The following GRM8 variants were observed in gnomAD, a reference collection of about 807,000 sequenced individuals.
The protein encoded by GRM8 is glutamate metabotropic receptor 8.
Under a neutral mutation model 87.2 loss-of-function variants are expected in GRM8, and 47 were observed. The observed-to-expected ratio is 0.54, with a 90% CI of 0.43 to 0.69. GRM8 has a LOEUF of 0.69. Among genes scored for constraint, GRM8 ranks in the 30% least tolerant of loss-of-function variants. The probability of loss-of-function intolerance (pLI) is 0.00; values close to 1 mark genes in which losing one functional copy is unlikely to be tolerated. For synonymous variants in GRM8, 396 were observed against 404.5 expected (o/e 0.98, Z 0.25); for missense variants, 1,019 against 1,139.2 (o/e 0.89, Z 1.52).
chr7:126,698,734 G>A (rs1408048858), intron 7 of GRM8, among the ~76,000 whole-genome samples: 1 of 152,166 alleles, frequency 6.6e-6, no homozygotes, highest in East Asian at 1.9e-4. Context: ...ATGACTCAGT[G>A]TGGGTTGGTT....
At chr7:126,810,913 G>C (rs997322628) in intron 6 of GRM8, among the ~76,000 whole-genome samples, 7 of 151,972 alleles carry the variant, frequency 4.6e-5, no homozygotes, top group Admixed American at 2.6e-4. Flanking sequence ...ACATCTGTAG[G>C]CTCCTCAACC....
chr7:126,696,202 A>G (rs1809358598), intron 7 of GRM8, among the ~76,000 whole-genome samples: 1 of 152,164 alleles, frequency 6.6e-6, no homozygotes, highest in South Asian at 2.1e-4. Flanking sequence ...GCAAAATTTA[A>G]GAAACAAAAA....
intron 3 of GRM8, among the ~76,000 whole-genome samples, chr7:126,912,110 C>A (rs1308113054): frequency 6.6e-6 from 1 of 151,898 alleles, no homozygotes; most frequent in East Asian, 1.9e-4. Flanking sequence ...GGCAGGAGAA[C>A]GGCGTGAACC....
At position 126,483,471 on chromosome 7, in the gene GRM8, CCCTT is replaced by C. The variant is rs566905063; in HGVS notation, c.2431-37103_2431-37100del. Among the ~76,000 whole-genome samples, 55 of 117,386 alleles carry C rather than the reference CCCTT, an allele frequency of 4.7e-4. No individual in the cohort carries two copies. The South Asian group carries it at 6.5e-3, about 14-fold the overall frequency. 77.0% of individuals were successfully genotyped at this position (117,386 alleles called of 152,430 possible). The stretch of plus-strand genomic sequence containing the variant: ...TCTCTCCCTCCCTCCCTCCCTCCCT[CCCTT>C]CCTTCCTTCCTTCCTTCATCATGAT... On this transcript the variant is annotated intron_variant, in intron 9 of 10. Coordinates refer to ENST00000339582, the MANE Select transcript of GRM8 (RefSeq NM_000845.3).
intron 9 of GRM8, among the ~76,000 whole-genome samples, chr7:126,457,092 T>C (rs1446321840): frequency 3.3e-5 from 5 of 151,578 alleles, no homozygotes; most frequent in South Asian, 2.1e-4. Flanking sequence ...TGTGTGTGTA[T>C]TGAAGTCAAA....
intron 3 of GRM8, among the ~76,000 whole-genome samples, chr7:127,052,210 T>C (rs1419218098): frequency 6.6e-6 from 1 of 152,208 alleles, no homozygotes; most frequent in African/African-American, 2.4e-5. Flanking sequence ...TGGGCCTTCA[T>C]TTCCCATTTG....
At chr7:126,751,864 A>T (rs1322335558) in intron 7 of GRM8, among the ~76,000 whole-genome samples, 1 of 152,180 alleles carries the variant, frequency 6.6e-6, no homozygotes, top group African/African-American at 2.4e-5. Flanking sequence ...TATGTGAGAA[A>T]GCACATCCTT....
At chr7:127,165,153 T>G (rs1175533000) in intron 2 of GRM8, among the ~76,000 whole-genome samples, 13 of 46,428 alleles carry the variant, frequency 2.8e-4, no homozygotes, top group African/African-American at 1.7e-3. Context: ...TATATATATA[T>G]ATATATATAT....
At chr7:126,515,971 A>T (rs1340115865) in intron 9 of GRM8, among the ~76,000 whole-genome samples, 3 of 152,108 alleles carry the variant, frequency 2.0e-5, no homozygotes, top group East Asian at 3.9e-4. Context: ...TATGCCATCT[A>T]TTCAAGGAAC....
chr7:126,498,187 G>A (rs1269586743), intron 9 of GRM8, among the ~76,000 whole-genome samples: 1 of 151,904 alleles, frequency 6.6e-6, no homozygotes, highest in African/African-American at 2.4e-5. Context: ...TATACGGAGG[G>A]ACAGCTTTGC....
At chr7:126,615,197 A>C (rs551803216) in intron 7 of GRM8, among the ~76,000 whole-genome samples, 8 of 152,368 alleles carry the variant, frequency 5.3e-5, no homozygotes, top group Admixed American at 2.0e-4. Context: ...TCTACAAGCC[A>C]GAAGAGAGTG....
intron 2 of GRM8, among the ~76,000 whole-genome samples, chr7:127,135,540 G>C (rs1323981901): frequency 1.0e-5 from 1 of 99,524 alleles, no homozygotes. Context: ...TAGTTAGAAA[G>C]TCAGAGTTGA....
chr7:127,049,714 G>A (rs1395655406), intron 3 of GRM8, among the ~76,000 whole-genome samples: 1 of 152,096 alleles, frequency 6.6e-6, no homozygotes, highest in Admixed American at 6.5e-5. Context: ...CTTAACATGG[G>A]AGCAAAGCCA....
At chr7:126,780,094 G>A (rs571066999) in intron 6 of GRM8, among the ~76,000 whole-genome samples, 1 of 152,258 alleles carries the variant, frequency 6.6e-6, no homozygotes, top group African/African-American at 2.4e-5. Flanking sequence ...TTATACAAAT[G>A]AAAGAGATTA....
intron 2 of GRM8, among the ~76,000 whole-genome samples, chr7:127,172,672 G>T (rs946285948): frequency 1.3e-4 from 20 of 149,686 alleles, no homozygotes. Context: ...CATGCCATTA[G>T]CACTCCAGGC....
intron 6 of GRM8, among the ~76,000 whole-genome samples, chr7:126,878,673 T>C (rs531464939): frequency 1.3e-5 from 2 of 151,974 alleles, no homozygotes; most frequent in African/African-American, 4.8e-5. Flanking sequence ...GCACCCGCCA[T>C]CATGCCTGGC....
intron 6 of GRM8, among the ~76,000 whole-genome samples, chr7:126,848,945 G>A (rs1198841975): frequency 6.6e-6 from 1 of 152,148 alleles, no homozygotes; most frequent in Non-Finnish European, 1.5e-5. Context: ...TGGAAGGCAA[G>A]GAGGAGTAAG....
chr7:126,938,281 G>T (rs757535555), intron 3 of GRM8, among the ~76,000 whole-genome samples: 1 of 152,142 alleles, frequency 6.6e-6, no homozygotes, highest in African/African-American at 2.4e-5. Flanking sequence ...AGTTGCCTGG[G>T]GATGCAGAGC....
intron 3 of GRM8, among the ~76,000 whole-genome samples, chr7:126,934,595 G>A (rs989600205): frequency 6.6e-6 from 1 of 152,202 alleles, no homozygotes; most frequent in African/African-American, 2.4e-5. Flanking sequence ...TCAAAAGAGA[G>A]ACAGTAAACA....
Sources: allele counts gnomAD v4.1 joint callset (sites outside exome capture counted in the v4.1 genomes callset), GRCh38; gene constraint gnomAD v4.1.1; transcripts MANE v1.5; gene names NCBI Gene and HGNC (gene_info 2026-07-23, HGNC 2026-07-21).